Variants in ARB2A observed in about 807,000 individuals in gnomAD.
ARB2A encodes the protein cotranscriptional regulator ARB2A.
chr5:94,095,745 C>T, the ARB2A span, among the ~76,000 whole-genome samples: 1 of 152,008 alleles, frequency 6.6e-6, no homozygotes, highest in African/African-American at 2.4e-5. Context: ...TAAAGTCTTA[C>T]CTTCGTAGTA....
chr5:93,984,493 G>C, the ARB2A span, among the ~76,000 whole-genome samples: 4 of 152,128 alleles, frequency 2.6e-5, no homozygotes, highest in Non-Finnish European at 4.4e-5. Context: ...TCAAAATCAA[G>C]ACAACTGAAG....
the ARB2A span, among the ~76,000 whole-genome samples, chr5:93,807,260 A>G: frequency 6.6e-6 from 1 of 151,960 alleles, no homozygotes; most frequent in Non-Finnish European, 1.5e-5. Context: ...AAAGAGTGCT[A>G]AGCTGTAAAA....
chr5:93,792,804 A>T, the ARB2A span, among the ~76,000 whole-genome samples: 1 of 151,948 alleles, frequency 6.6e-6, no homozygotes, highest in Admixed American at 6.6e-5. Context: ...TACATATGTA[A>T]CTAACCTGCA....
At chr5:94,055,036 C>G in the ARB2A span, among the ~76,000 whole-genome samples, 1 of 152,144 alleles carries the variant, frequency 6.6e-6, no homozygotes, top group Admixed American at 6.5e-5. Context: ...CCTGTACCAG[C>G]CCTAGAATCA....
the ARB2A span, chr5:93,805,907 T>A: frequency 1.0e-6 from 1 of 985,134 alleles, no homozygotes; most frequent in Non-Finnish European, 1.2e-6. Flanking sequence ...ATTAGCTTGT[T>A]TGATCATGAG....
At chr5:93,892,298 C>T in the ARB2A span, among the ~76,000 whole-genome samples, 1 of 152,104 alleles carries the variant, frequency 6.6e-6, no homozygotes. Context: ...CTCCGAACTG[C>T]TTTAGATCTA....
chr5:93,677,265 A>G, the ARB2A span, among the ~76,000 whole-genome samples: 8 of 152,236 alleles, frequency 5.3e-5, no homozygotes, highest in Non-Finnish European at 1.2e-4. Flanking sequence ...TCATGTAAAA[A>G]AAATTAAAGA....
chr5:93,808,047 T>C, the ARB2A span, among the ~76,000 whole-genome samples: 1 of 151,976 alleles, frequency 6.6e-6, no homozygotes, highest in Non-Finnish European at 1.5e-5. Context: ...CAGGGCCTTA[T>C]GCAAATAGAA....
At chr5:94,092,132 G>A in the ARB2A span, among the ~76,000 whole-genome samples, 8 of 149,456 alleles carry the variant, frequency 5.4e-5, no homozygotes, top group Non-Finnish European at 1.0e-4. Flanking sequence ...CAGGAGGATC[G>A]TTTGACCAGC....
the ARB2A span, among the ~76,000 whole-genome samples, chr5:94,045,219 A>G: frequency 2.0e-5 from 3 of 151,938 alleles, no homozygotes; most frequent in Admixed American, 1.3e-4. Context: ...TTAGCATATC[A>G]TCAAGAAATA....
chr5:93,881,143 G>A, the ARB2A span, among the ~76,000 whole-genome samples: 39 of 151,718 alleles, frequency 2.6e-4, 1 homozygote, highest in African/African-American at 8.9e-4. Flanking sequence ...AAGAAACAGC[G>A]TGTTTGGAAA....
At chr5:94,023,762 A>C in the ARB2A span, among the ~76,000 whole-genome samples, 12 of 152,204 alleles carry the variant, frequency 7.9e-5, no homozygotes, top group Non-Finnish European at 1.5e-4. Flanking sequence ...TGGGCTATCA[A>C]ATTATGCAGT....
chr5:93,718,485 T>A, the ARB2A span, among the ~76,000 whole-genome samples: 1 of 151,976 alleles, frequency 6.6e-6, no homozygotes, highest in Non-Finnish European at 1.5e-5. Flanking sequence ...GTTTTTTGTA[T>A]CCAAAACTCA....
chr5:93,928,521 C>T, the ARB2A span, among the ~76,000 whole-genome samples: 1 of 152,134 alleles, frequency 6.6e-6, no homozygotes, highest in African/African-American at 2.4e-5. Flanking sequence ...AAATGAAACA[C>T]AACTGATATA....
At chr5:94,005,595 T>C in the ARB2A span, among the ~76,000 whole-genome samples, 1 of 152,184 alleles carries the variant, frequency 6.6e-6, no homozygotes, top group African/African-American at 2.4e-5. Flanking sequence ...GCACGCAAAT[T>C]TGCAAAATAA....
At chr5:93,865,740 T>C in the ARB2A span, 1 of 985,334 alleles carries the variant, frequency 1.0e-6, no homozygotes, top group Non-Finnish European at 1.2e-6. Context: ...CTCAGTCTGC[T>C]TTGGGAAATA....
At chr5:93,688,264 G>T in the ARB2A span, among the ~76,000 whole-genome samples, 2 of 152,156 alleles carry the variant, frequency 1.3e-5, no homozygotes, top group East Asian at 3.9e-4. Flanking sequence ...GTAAGCCACC[G>T]CGCCTGGCCA....
the ARB2A span, among the ~76,000 whole-genome samples, chr5:93,670,887 T>C: frequency 6.6e-6 from 1 of 152,252 alleles, no homozygotes; most frequent in African/African-American, 2.4e-5. Flanking sequence ...ACAATTGTAC[T>C]ATTTAAAATA....
chr5:93,868,890 G>A, the ARB2A span, among the ~76,000 whole-genome samples: 17 of 151,992 alleles, frequency 1.1e-4, no homozygotes, highest in African/African-American at 3.9e-4. Flanking sequence ...TTCTTTAATC[G>A]CATTTCGACT....
Sources: gnomAD v4.1 joint callset for allele counts (sites outside exome capture counted in the v4.1 genomes callset) on GRCh38, gnomAD v4.1.1 for gene constraint, MANE v1.5 for transcripts, NCBI Gene and HGNC (gene_info 2026-07-23, HGNC 2026-07-21) for gene names.